Variants in MTSS1 observed in about 807,000 individuals in gnomAD.
MTSS1 encodes protein MTSS 1.
In MTSS1, 18 loss-of-function variants were observed where a neutral mutation model predicts 79.0. The ratio of observed to expected loss-of-function variants is 0.23; its 90% CI spans 0.16 to 0.34. The LOEUF (loss-of-function observed/expected upper bound fraction) is 0.34. MTSS1 is among the 10% of genes least tolerant of loss of function. The probability of loss-of-function intolerance (pLI) is 1.00; values close to 1 mark genes in which losing one functional copy is unlikely to be tolerated. For synonymous variants in MTSS1, 341 were observed against 368.6 expected, an observed-to-expected ratio of 0.93 and a Z score of 0.86; for missense variants, 815 against 986.2, an observed-to-expected ratio of 0.83 and a Z score of 2.33.
At chr8:124,638,049 A>T (rs967416149) in intron 3 of MTSS1, among the ~76,000 whole-genome samples, 2 of 152,266 alleles carry the variant, frequency 1.3e-5, no homozygotes, top group African/African-American at 4.8e-5. Context: ...TGTATAGAAG[A>T]ATCACCTGAG....
chr8:124,685,983 A>C (rs754933176), intron 3 of MTSS1, among the ~76,000 whole-genome samples: 14 of 152,210 alleles, frequency 9.2e-5, no homozygotes, highest in Admixed American at 2.0e-4. Context: ...GGACCCCCAA[A>C]GTCCCAAGTC....
intron 7 of MTSS1, chr8:124,567,685 C>G: frequency 6.9e-7 from 1 of 1,459,702 alleles, no homozygotes; most frequent in Non-Finnish European, 9.0e-7. Flanking sequence ...AGCTGGGGAC[C>G]ATGGAAGAAA....
intron 3 of MTSS1, among the ~76,000 whole-genome samples, chr8:124,691,767 C>T (rs1204666695): frequency 6.6e-6 from 1 of 152,184 alleles, no homozygotes; most frequent in Non-Finnish European, 1.5e-5. Flanking sequence ...CCACCGGCCC[C>T]TGCCTCCCAA....
In MTSS1 at chr8:124,565,701, G is replaced by T; in HGVS notation, c.785C>A (p.Ser262Tyr). The change falls in exon 9 of 14, where the codon TCC becomes TAC. Residue 262 changes from serine to tyrosine, a missense_variant. Transcript: ENST00000518547. ...YSWSYQTPPS[S>Y]PSTTMSRKSS... ...CTTTCTGGACATGGTGGTGCTGGGGGAAGAGGGTGGCGTCTGATACGACCA... is the reference window on the plus strand; with the variant it reads ...CTTTCTGGACATGGTGGTGCTGGGGTAAGAGGGTGGCGTCTGATACGACCA... 6.2e-7 allele frequency: 1 copy of T among 1,614,144 alleles called. No homozygotes were observed. The highest frequency in any genetic ancestry group is 8.5e-7 in the Non-Finnish European group (1 of 1,180,026).
At chr8:124,620,295 C>T (rs2133520410) in intron 3 of MTSS1, among the ~76,000 whole-genome samples, 1 of 152,328 alleles carries the variant, frequency 6.6e-6, no homozygotes, top group African/African-American at 2.4e-5. Flanking sequence ...TGTTCATCAT[C>T]TTCAACAGAT....
At chr8:124,660,117 G>A (rs114620592) in intron 3 of MTSS1, among the ~76,000 whole-genome samples, 1,661 of 151,696 alleles carry the variant, frequency 0.011, 35 homozygotes, top group African/African-American at 0.037. Flanking sequence ...CAGCTGTCCC[G>A]AGGATATGCT....
chr8:124,594,954 T>C (rs530380955), intron 3 of MTSS1, among the ~76,000 whole-genome samples: 19 of 152,178 alleles, frequency 1.2e-4, no homozygotes, highest in South Asian at 2.1e-4. Flanking sequence ...CATTTGCGAG[T>C]GGGCATATTT....
rs750490897 is a variant in MTSS1 at position 124,611,106 on chromosome 8, ACC to A, written c.209-19873_209-19872del. On this transcript the variant is annotated intron_variant, in intron 3 of 13. Coordinates refer to ENST00000518547, the MANE Select transcript of MTSS1 (RefSeq NM_014751.6). ...ACATGTGCACAAACCCACCAGACAG[ACC>A]CCCCCCCCCCAGCATGTGACTCAAC... Among the ~76,000 whole-genome samples the A allele has an allele frequency of 1.6e-4, 15 of 94,476 alleles. 1 individual carries two copies. The highest frequency in any genetic ancestry group is 4.5e-4 in the African/African-American group (11 of 24,658). 62.0% of individuals were successfully genotyped at this position (94,476 alleles called of 152,430 possible).
At chr8:124,650,251 G>A (rs1380913984) in intron 3 of MTSS1, among the ~76,000 whole-genome samples, 4 of 152,034 alleles carry the variant, frequency 2.6e-5, no homozygotes, top group Non-Finnish European at 4.4e-5. Context: ...GATTGGTCTC[G>A]AATTCCTGAC....
chr8:124,556,732 C>G lies in MTSS1; in HGVS notation c.1231-327G>C, dbSNP rs182954506. Among the ~76,000 whole-genome samples the G allele has an allele frequency of 3.9e-5, 6 of 152,380 alleles. No individual in the cohort carries two copies. The East Asian group carries it at 9.6e-4, about 25-fold the overall frequency. ...GGGGACCCACCAGTGGGCAGTACAT[C>G]GTGCTTCTCCTGTCTGAAGGGACCA... On this transcript the variant is annotated intron_variant, in intron 11 of 13. Transcript: ENST00000518547.
At chr8:124,566,998 A>G (rs1301096558) in intron 8 of MTSS1, 73 bp downstream of exon 8, 2 of 1,164,122 alleles carry the variant, frequency 1.7e-6, no homozygotes, top group African/African-American at 3.1e-5. Context: ...GACACATGCC[A>G]CAGGAACACT....
At chr8:124,716,442 C>T (rs1203756677) in intron 1 of MTSS1, among the ~76,000 whole-genome samples, 1 of 152,198 alleles carries the variant, frequency 6.6e-6, no homozygotes, top group Non-Finnish European at 1.5e-5. Flanking sequence ...CGGGAGATAG[C>T]TCCCTACATA....
chr8:124,594,569 G>A (rs1197982533), intron 3 of MTSS1, among the ~76,000 whole-genome samples: 1 of 151,932 alleles, frequency 6.6e-6, no homozygotes, highest in Admixed American at 6.6e-5. Flanking sequence ...GGAAAGGAAA[G>A]GAAATAGCTG....
intron 3 of MTSS1, among the ~76,000 whole-genome samples, chr8:124,690,845 A>G (rs150154566): frequency 0.012 from 1,802 of 152,350 alleles, 20 homozygotes; most frequent in Non-Finnish European, 0.019. Context: ...AACATCAAAA[A>G]CAAGGTATTT....
chr8:124,604,365 A>G (rs1333811030), intron 3 of MTSS1, among the ~76,000 whole-genome samples: 1 of 152,250 alleles, frequency 6.6e-6, no homozygotes, highest in Non-Finnish European at 1.5e-5. Flanking sequence ...TTCTTACAAC[A>G]AACACACAAT....
chr8:124,692,765 C>G (rs76392952), intron 3 of MTSS1, among the ~76,000 whole-genome samples: 2,317 of 152,190 alleles, frequency 0.015, 55 homozygotes, highest in African/African-American at 0.053. Flanking sequence ...GCCCCTTGCT[C>G]GAGAACTGAC....
chr8:124,633,030 G>A (rs547745973), intron 3 of MTSS1, among the ~76,000 whole-genome samples: 28 of 152,192 alleles, frequency 1.8e-4, no homozygotes, highest in African/African-American at 4.6e-4. Context: ...ATAAGGTGGC[G>A]CGGGGCATGG....
At chr8:124,688,347 T>TTGTG (rs34566097) in intron 3 of MTSS1, among the ~76,000 whole-genome samples, 1 of 151,228 alleles carries the variant, frequency 6.6e-6, no homozygotes, top group African/African-American at 2.4e-5. Context: ...TGTATGTGTG[T>TTGTG]TGTGTGTGTG....
At chr8:124,571,374 G>A (rs1029638854) in intron 6 of MTSS1, among the ~76,000 whole-genome samples, 1 of 152,212 alleles carries the variant, frequency 6.6e-6, no homozygotes, top group Non-Finnish European at 1.5e-5. Flanking sequence ...CCACCAGCAG[G>A]GAAGCTCTGG....
Sources: gnomAD v4.1 joint callset for allele counts (sites outside exome capture counted in the v4.1 genomes callset) on GRCh38, gnomAD v4.1.1 for gene constraint, MANE v1.5 for transcripts, NCBI Gene and HGNC (gene_info 2026-07-23, HGNC 2026-07-21) for gene names.